The following BICC1 variants were observed in gnomAD, a reference collection of about 807,000 sequenced individuals.
The protein encoded by BICC1 is BicC family RNA binding protein 1.
Under a neutral mutation model 111.0 loss-of-function variants are expected in BICC1, and 43 were observed. The ratio of observed to expected loss-of-function variants is 0.39; its 90% CI spans 0.30 to 0.50. BICC1 has a LOEUF of 0.50. BICC1 is among the 20% of genes least tolerant of loss of function. BICC1 has a pLI of 0.88. For synonymous variants in BICC1, 467 were observed against 434.4 expected (o/e 1.07, Z -0.93); for missense variants, 1,091 against 1,203.2 (o/e 0.91, Z 1.38).
intron 1 of BICC1, among the ~76,000 whole-genome samples, chr10:58,589,461 C>CTTTTT (rs35939695): frequency 7.4e-5 from 11 of 148,846 alleles, no homozygotes; most frequent in Non-Finnish European, 1.3e-4. Context: ...TACAGCTTTA[C>CTTTTT]TTTTTTTTTT....
chr10:58,548,870 G>A (rs1307542172), intron 1 of BICC1, among the ~76,000 whole-genome samples: 1 of 151,908 alleles, frequency 6.6e-6, no homozygotes, highest in Non-Finnish European at 1.5e-5. Context: ...TTACTTTGGG[G>A]TGTGTGTGTG....
At chr10:58,708,415 C>A (rs895295949) in intron 3 of BICC1, among the ~76,000 whole-genome samples, 8 of 151,664 alleles carry the variant, frequency 5.3e-5, no homozygotes, top group African/African-American at 1.9e-4. Context: ...TCCTGAGGTT[C>A]GTTGTCTCAT....
intron 1 of BICC1, among the ~76,000 whole-genome samples, chr10:58,582,196 G>A (rs1844301546): frequency 6.6e-6 from 1 of 152,108 alleles, no homozygotes. Context: ...GTTAGGTTAT[G>A]TGTATATTGA....
At chr10:58,605,818 T>C (rs1276149358) in intron 1 of BICC1, among the ~76,000 whole-genome samples, 1 of 152,222 alleles carries the variant, frequency 6.6e-6, no homozygotes, top group East Asian at 1.9e-4. Context: ...ACCCAGGGAA[T>C]GTGGAGCGCT....
chr10:58,527,148 T>C (rs1036948696), intron 1 of BICC1, among the ~76,000 whole-genome samples: 1 of 152,178 alleles, frequency 6.6e-6, no homozygotes, highest in African/African-American at 2.4e-5. Context: ...TATCTCATTG[T>C]GGTTTTGATT....
chr10:58,814,261 G>C, intron 18 of BICC1: 3 of 606,956 alleles, frequency 4.9e-6, no homozygotes. Context: ...TGAAATTTGT[G>C]CTCCACAAAC....
intron 17 of BICC1, among the ~76,000 whole-genome samples, chr10:58,810,751 G>A (rs1368518731): frequency 6.6e-6 from 1 of 152,140 alleles, no homozygotes; most frequent in Non-Finnish European, 1.5e-5. Context: ...CCACATCTAT[G>A]CTTATGGCAC....
chr10:58,814,892 G>A (rs1483219964), intron 18 of BICC1, among the ~76,000 whole-genome samples: 1 of 152,116 alleles, frequency 6.6e-6, no homozygotes, highest in Non-Finnish European at 1.5e-5. Flanking sequence ...GTGAATAGCA[G>A]GGTTTGATTT....
chr10:58,765,029 A>G (rs758356206), intron 3 of BICC1, among the ~76,000 whole-genome samples: 2 of 152,078 alleles, frequency 1.3e-5, no homozygotes, highest in Non-Finnish European at 2.9e-5. Flanking sequence ...AACTAGCTTA[A>G]TAATTAGTTG....
chr10:58,662,604 A>G (rs1475291674), intron 2 of BICC1, among the ~76,000 whole-genome samples: 4 of 152,200 alleles, frequency 2.6e-5, no homozygotes, highest in Admixed American at 2.0e-4. Context: ...GTCACTGATT[A>G]TCTCGTATTA....
At chr10:58,749,537 C>A (rs983475522) in intron 3 of BICC1, among the ~76,000 whole-genome samples, 5 of 152,074 alleles carry the variant, frequency 3.3e-5, no homozygotes, top group Non-Finnish European at 7.4e-5. Flanking sequence ...TATAATGTAT[C>A]CACTTAATTT....
chr10:58,636,907 A>T lies in BICC1; in HGVS notation c.237+16006A>T, dbSNP rs535628090. On this transcript the variant is annotated intron_variant, in intron 2 of 20. Transcript: ENST00000373886. ...TTGAGCAAATGCGAGAGATGATTTG[A>T]TTCTTTAGAGAAGACCCTTTCATTC... Among the ~76,000 whole-genome samples the T allele has an allele frequency of 2.0e-5, 3 of 152,302 alleles. No homozygotes were observed. In the East Asian group the frequency reaches 5.8e-4, roughly 29 times the overall value.
chr10:58,739,861 C>T (rs1841599116), intron 3 of BICC1, among the ~76,000 whole-genome samples: 1 of 152,170 alleles, frequency 6.6e-6, no homozygotes, highest in East Asian at 1.9e-4. Context: ...TGGCTTATAT[C>T]TCCACTGGTC....
At chr10:58,752,421 A>G (rs779809569) in intron 3 of BICC1, among the ~76,000 whole-genome samples, 7 of 152,218 alleles carry the variant, frequency 4.6e-5, no homozygotes, top group African/African-American at 7.2e-5. Flanking sequence ...GCCTTCCTGA[A>G]CAATCCTACT....
intron 2 of BICC1, among the ~76,000 whole-genome samples, chr10:58,625,968 T>C (rs1845978325): frequency 6.6e-6 from 1 of 152,250 alleles, no homozygotes; most frequent in Non-Finnish European, 1.5e-5. Context: ...CAGTTAACTC[T>C]GGCTCATGAA....
intron 15 of BICC1, among the ~76,000 whole-genome samples, chr10:58,804,474 C>T (rs899019670): frequency 2.0e-5 from 3 of 152,230 alleles, no homozygotes; most frequent in Middle Eastern, 6.8e-3. Context: ...GCCAAGATTG[C>T]ACCACTGCAC....
At chr10:58,674,834 A>G (rs775583926) in intron 2 of BICC1, among the ~76,000 whole-genome samples, 9 of 152,192 alleles carry the variant, frequency 5.9e-5, no homozygotes, top group South Asian at 2.1e-4. Flanking sequence ...GTGGCTAGTT[A>G]TAAGTAGGGA....
At chr10:58,591,188 A>C (rs1844605241) in intron 1 of BICC1, among the ~76,000 whole-genome samples, 1 of 152,196 alleles carries the variant, frequency 6.6e-6, no homozygotes, top group African/African-American at 2.4e-5. Flanking sequence ...GAAGATAAGC[A>C]GTGCTAGGGA....
intron 3 of BICC1, among the ~76,000 whole-genome samples, chr10:58,779,808 GGCTTTTCCTA>G (rs1483752521): frequency 9.8e-5 from 15 of 152,302 alleles, no homozygotes; most frequent in African/African-American, 3.6e-4. Context: ...GATACATTCT[GGCTTTTCCTA>G]GCTTTTCCCT....
Sources: gnomAD v4.1 joint callset for allele counts (sites outside exome capture counted in the v4.1 genomes callset) on GRCh38, gnomAD v4.1.1 for gene constraint, MANE v1.5 for transcripts, NCBI Gene and HGNC (gene_info 2026-07-23, HGNC 2026-07-21) for gene names.